GRK4: variants seen among roughly 807,000 people sequenced by gnomAD.
The protein encoded by GRK4 is G protein-coupled receptor kinase 2-like.
GRK4 carries 73 observed loss-of-function variants against 77.9 expected under a neutral mutation model. The ratio of observed to expected loss-of-function variants is 0.94; its 90% confidence interval spans 0.78 to 1.14. The LOEUF is 1.14. Among genes scored for constraint, GRK4 ranks in the 50% most tolerant of loss-of-function variants. The probability of loss-of-function intolerance (pLI) is 0.00; values close to 1 mark genes in which losing one functional copy is unlikely to be tolerated. For synonymous variants in GRK4, 257 were observed against 254.4 expected, an observed-to-expected ratio of 1.01 and a Z score of -0.10; for missense variants, 729 against 700.2, an observed-to-expected ratio of 1.04 and a Z score of -0.46.
chr4:3,027,116 C>T lies in GRK4; in HGVS notation c.971-796C>T, dbSNP rs116488502. 1.0e-2 allele frequency among the ~76,000 whole-genome samples: 1,521 copies of T among 152,246 alleles called. 14 individuals are homozygous for T. The highest frequency in any genetic ancestry group is 0.027 in the Middle Eastern group (8 of 294). ...CTGCAGTGGTGTGATCATGGTTCAC[C>T]GCAGCCTCGACCTTCTGGGCTTAAG... is the stretch of plus-strand genomic sequence containing the variant. On this transcript the variant is annotated intron_variant, in intron 10 of 15. Transcript: ENST00000398052.
intron 1 of GRK4, among the ~76,000 whole-genome samples, chr4:2,984,013 A>G (rs995222893): frequency 1.6e-4 from 24 of 152,136 alleles, no homozygotes; most frequent in African/African-American, 5.3e-4. Flanking sequence ...CCACGATCCA[A>G]TCACGGGACT....
Position 2,963,750 on chromosome 4 carries a change from C to T in GRK4, c.-321C>T. Reference sequence around the variant, plus strand: ...GGGCAGGGCACTGAGGAGGGAGTTGCGCGCGCGAGGCGAGGGCGATGGGGC... The same window carrying T: ...GGGCAGGGCACTGAGGAGGGAGTTGTGCGCGCGAGGCGAGGGCGATGGGGC... On this transcript the variant is annotated 5_prime_UTR_variant, in exon 1 of 16. Coordinates refer to ENST00000398052, the MANE Select transcript of GRK4 (RefSeq NM_182982.3). 1 of 444,252 alleles carries T rather than the reference C, an allele frequency of 2.3e-6. No homozygotes were observed. Among genetic ancestry groups the T allele is most frequent in the Non-Finnish European group, 4.0e-6 (1 of 250,812 alleles). 27.5% of individuals were successfully genotyped at this position (444,252 alleles called of 1,614,324 possible).
chr4:3,026,024 G>T (rs752633508), intron 10 of GRK4, among the ~76,000 whole-genome samples: 2 of 152,242 alleles, frequency 1.3e-5, no homozygotes, highest in African/African-American at 2.4e-5. Flanking sequence ...ACCTGTTTGC[G>T]CAGCCCTCGC....
intron 1 of GRK4, among the ~76,000 whole-genome samples, chr4:2,974,094 A>G (rs1442934410): frequency 1.3e-5 from 2 of 152,114 alleles, no homozygotes; most frequent in Non-Finnish European, 2.9e-5. Context: ...AAGCGAGCCC[A>G]CCTAAGCCTC....
At chr4:2,973,595 C>T (rs928324026) in intron 1 of GRK4, among the ~76,000 whole-genome samples, 2 of 152,108 alleles carry the variant, frequency 1.3e-5, no homozygotes, top group African/African-American at 4.8e-5. Context: ...TTACTCGCAC[C>T]CCCACACTCA....
At chr4:3,028,022 G>A (rs373210200) in intron 11 of GRK4, 21 bp downstream of exon 11, 84 of 1,606,800 alleles carry the variant, frequency 5.2e-5, no homozygotes, top group Middle Eastern at 5.0e-4. Context: ...GGCTTTCGGC[G>A]TCCTTGTCCT....
chr4:3,005,079 C>T (rs1343213513), intron 5 of GRK4, among the ~76,000 whole-genome samples: 1 of 149,742 alleles, frequency 6.7e-6, no homozygotes, highest in African/African-American at 2.5e-5. Flanking sequence ...TAGGTACTCA[C>T]CAAAAACATC....
rs1362290838 is a variant in GRK4 at position 3,035,499 on chromosome 4, G to T, written c.1383G>T (p.Met461Ile). 1 of 1,613,954 alleles carries T rather than the reference G, an allele frequency of 6.2e-7. No homozygotes were observed. Among genetic ancestry groups the T allele is most frequent in the South Asian group, 1.1e-5 (1 of 91,068 alleles). ...ACTTCAGGAGGCTGGAGGCAAACATGCTGGAGCCCCCTTTCTGTCCTGATG... is the reference window on the plus strand; with the variant it reads ...ACTTCAGGAGGCTGGAGGCAAACATTCTGGAGCCCCCTTTCTGTCCTGATG... ...DINFRRLEAN[M>I]LEPPFCPDPH... The change falls in exon 13 of 16, where the codon ATG becomes ATT. Residue 461 changes from methionine to isoleucine, a missense_variant. Physicochemically the swap from Met to Ile is conservative, Grantham distance 10 (BLOSUM62 1). Coordinates refer to ENST00000398052, the MANE Select transcript of GRK4 (RefSeq NM_182982.3).
chr4:2,976,210 CCCT>C (rs535208424), intron 1 of GRK4, among the ~76,000 whole-genome samples: 20 of 152,028 alleles, frequency 1.3e-4, no homozygotes, highest in Non-Finnish European at 2.8e-4. Flanking sequence ...CTCTTTCCCT[CCCT>C]CCTCCTTCCC....
chr4:2,971,727 C>G (rs938247575), intron 1 of GRK4, among the ~76,000 whole-genome samples: 1 of 152,184 alleles, frequency 6.6e-6, no homozygotes, highest in African/African-American at 2.4e-5. Context: ...GTGAGTGGAG[C>G]TGGTTCCTTC....
intron 2 of GRK4, among the ~76,000 whole-genome samples, chr4:2,987,663 A>G (rs1407337891): frequency 6.6e-6 from 1 of 152,176 alleles, no homozygotes; most frequent in Non-Finnish European, 1.5e-5. Context: ...ATTGTTGGCC[A>G]GGCGCAGTGG....
chr4:2,993,563 A>C (rs1726915883), intron 4 of GRK4, among the ~76,000 whole-genome samples: 1 of 152,178 alleles, frequency 6.6e-6, no homozygotes, highest in Admixed American at 6.5e-5. Context: ...AATCCCAGCT[A>C]ATAGGGAGGC....
At chr4:3,034,524 C>A (rs1408621975) in intron 12 of GRK4, among the ~76,000 whole-genome samples, 1 of 152,058 alleles carries the variant, frequency 6.6e-6, no homozygotes, top group East Asian at 1.9e-4. Flanking sequence ...TTTCAGGGGT[C>A]CAGGTCTTTC....
At chr4:2,969,336 G>C (rs1718739569) in intron 1 of GRK4, 1 of 151,478 alleles carries the variant, frequency 6.6e-6, no homozygotes, top group Admixed American at 6.6e-5. Flanking sequence ...CACTGTGCCT[G>C]GCCAAATTTT....
At chr4:2,986,841 A>T in intron 2 of GRK4, 1 of 344,874 alleles carries the variant, frequency 2.9e-6, no homozygotes, top group Non-Finnish European at 5.8e-6. Flanking sequence ...AAGATGATGA[A>T]GTATTATATT....
At chr4:2,983,925 G>A (rs1232283894) in intron 1 of GRK4, among the ~76,000 whole-genome samples, 2 of 152,132 alleles carry the variant, frequency 1.3e-5, no homozygotes, top group South Asian at 2.1e-4. Context: ...GAGAGCACAA[G>A]GGAAACTGCC....
intron 4 of GRK4, among the ~76,000 whole-genome samples, chr4:2,995,633 A>G (rs1179087796): frequency 6.6e-6 from 1 of 151,822 alleles, no homozygotes; most frequent in Admixed American, 6.6e-5. Context: ...GTGAACCAAA[A>G]TTGTGCCACT....
intron 4 of GRK4, among the ~76,000 whole-genome samples, chr4:2,995,903 G>A (rs188293659): frequency 9.2e-4 from 140 of 152,256 alleles, no homozygotes; most frequent in African/African-American, 3.2e-3. Flanking sequence ...TACAGAGTGA[G>A]AATATAAGTT....
intron 1 of GRK4, among the ~76,000 whole-genome samples, chr4:2,975,760 C>T (rs1002567226): frequency 3.3e-5 from 5 of 152,196 alleles, no homozygotes; most frequent in African/African-American, 1.2e-4. Flanking sequence ...TGTCTTCATC[C>T]TGGATCCAAG....
Sources: allele counts gnomAD v4.1 joint callset (sites outside exome capture counted in the v4.1 genomes callset), GRCh38; gene constraint gnomAD v4.1.1; transcripts MANE v1.5; gene names NCBI Gene and HGNC (gene_info 2026-07-23, HGNC 2026-07-21).